SCOC: variants seen among roughly 807,000 people sequenced by gnomAD.
SCOC encodes the protein short coiled-coil protein.
In SCOC, 7 loss-of-function variants were observed where a neutral mutation model predicts 9.9. That is an observed-to-expected ratio of 0.71 (90% CI 0.40 to 1.33). SCOC has a LOEUF of 1.33. SCOC is among the 40% of genes most tolerant of loss of function. SCOC has a pLI of 0.01. For missense variants in SCOC, 66 were observed against 89.7 expected, an observed-to-expected ratio of 0.74 and a Z score of 1.07; for synonymous variants, 19 against 28.2, an observed-to-expected ratio of 0.67 and a Z score of 1.03.
At chr4:140,289,637 G>C (rs1206749094) in intron 1 of SCOC, among the ~76,000 whole-genome samples, 1 of 152,214 alleles carries the variant, frequency 6.6e-6, no homozygotes, top group African/African-American at 2.4e-5. Context: ...CCCAGTGTAA[G>C]TGACTTGTCA....
At chr4:140,358,607 G>A (rs1382910682) in intron 2 of SCOC, among the ~76,000 whole-genome samples, 3 of 152,334 alleles carry the variant, frequency 2.0e-5, no homozygotes, top group Non-Finnish European at 4.4e-5. Context: ...GGTGTTCATT[G>A]TATGCATTGA....
intron 2 of SCOC, among the ~76,000 whole-genome samples, chr4:140,347,235 A>G (rs1405306126): frequency 2.0e-5 from 3 of 152,148 alleles, no homozygotes; most frequent in Non-Finnish European, 1.5e-5. Flanking sequence ...AACACTTAAT[A>G]TATGGAACTG....
At chr4:140,356,220 T>G (rs896470735) in intron 2 of SCOC, among the ~76,000 whole-genome samples, 1 of 152,224 alleles carries the variant, frequency 6.6e-6, no homozygotes, top group Non-Finnish European at 1.5e-5. Flanking sequence ...TCTCAAACTA[T>G]AGAAAATTTT....
intron 1 of SCOC, among the ~76,000 whole-genome samples, chr4:140,276,005 T>A (rs906905720): frequency 6.2e-4 from 94 of 150,822 alleles, no homozygotes; most frequent in African/African-American, 2.1e-3. Flanking sequence ...TGTATTTTTG[T>A]TGTTGTTGTT....
At chr4:140,292,866 T>C (rs1349587210) in intron 1 of SCOC, among the ~76,000 whole-genome samples, 2 of 152,202 alleles carry the variant, frequency 1.3e-5, no homozygotes, top group Admixed American at 6.5e-5. Flanking sequence ...CCTGATTTCA[T>C]AGGAGATCTG....
intron 2 of SCOC, among the ~76,000 whole-genome samples, chr4:140,352,213 G>A (rs1027698418): frequency 6.6e-6 from 1 of 152,140 alleles, no homozygotes; most frequent in Non-Finnish European, 1.5e-5. Context: ...ATCCTTAAGG[G>A]TATTGAAAAA....
intron 1 of SCOC, among the ~76,000 whole-genome samples, chr4:140,269,235 C>T (rs1234198585): frequency 2.0e-5 from 3 of 152,304 alleles, no homozygotes; most frequent in Admixed American, 1.3e-4. Flanking sequence ...TTCATATCTC[C>T]TGCTCTTGAA....
rs1239598926 is a variant in SCOC at position 140,352,734 on chromosome 4, G to A, written c.70+9026G>A. Among the ~76,000 whole-genome samples, 15 of 152,158 alleles carry A rather than the reference G, an allele frequency of 9.9e-5. No homozygotes were observed. The South Asian group carries it at 2.1e-3, about 21-fold the overall frequency. ...TAATTTTCTCAGCAAAGGATAAGTC[G>A]TAATATTTTGACTCTTCCTTTCAAA... On this transcript the variant is annotated intron_variant, in intron 2 of 4. Transcript: ENST00000338517.
intron 1 of SCOC, among the ~76,000 whole-genome samples, chr4:140,288,062 A>G (rs1731349946): frequency 6.6e-6 from 1 of 152,022 alleles, no homozygotes; most frequent in South Asian, 2.1e-4. Flanking sequence ...CATACAACAC[A>G]TATATACATA....
chr4:140,378,140 TTTTGA>T (rs1728421399), intron 1 of SCOC, among the ~76,000 whole-genome samples: 1 of 152,114 alleles, frequency 6.6e-6, no homozygotes, highest in Non-Finnish European at 1.5e-5. Flanking sequence ...GATTAGTCTG[TTTTGA>T]TTTAACCCTG....
chr4:140,285,454 G>A (rs1731239189), intron 1 of SCOC, among the ~76,000 whole-genome samples: 7 of 152,230 alleles, frequency 4.6e-5, no homozygotes, highest in Admixed American at 4.6e-4. Flanking sequence ...TGGCCAAGGG[G>A]CCAGTATCTC....
At chr4:140,336,127 T>C (rs1015899736) in intron 1 of SCOC, among the ~76,000 whole-genome samples, 2 of 152,208 alleles carry the variant, frequency 1.3e-5, no homozygotes, top group Non-Finnish European at 1.5e-5. Flanking sequence ...AATACACTTA[T>C]AAATAATGTA....
At chr4:140,343,153 T>G, upstream of SCOC, among the ~76,000 whole-genome samples, 1 of 152,196 alleles carries the variant, frequency 6.6e-6, no homozygotes, top group East Asian at 1.9e-4. Flanking sequence ...TATCCTCATA[T>G]TACAGATAGA....
At chr4:140,263,720 C>T (rs984004493) in intron 1 of SCOC, among the ~76,000 whole-genome samples, 2 of 152,010 alleles carry the variant, frequency 1.3e-5, no homozygotes, top group South Asian at 2.1e-4. Context: ...CATATCACCC[C>T]GAATGGGTGA....
At chr4:140,305,020 T>G (rs1731926048) in intron 1 of SCOC, among the ~76,000 whole-genome samples, 1 of 152,198 alleles carries the variant, frequency 6.6e-6, no homozygotes, top group African/African-American at 2.4e-5. Context: ...ATAAATAATT[T>G]ATCTCTTCAG....
intron 2 of SCOC, among the ~76,000 whole-genome samples, chr4:140,355,207 AT>A (rs200905375): frequency 6.5e-5 from 1 of 15,484 alleles, no homozygotes; most frequent in Non-Finnish European, 1.0e-4. Context: ...TATACATTAT[AT>A]TTTTATATAT....
At chr4:140,361,433 G>A (rs771138844) in intron 2 of SCOC, among the ~76,000 whole-genome samples, 5 of 152,178 alleles carry the variant, frequency 3.3e-5, no homozygotes, top group Non-Finnish European at 7.4e-5. Context: ...GAAGGCCAGG[G>A]TGGGAGGATC....
At chr4:140,302,126 G>A (rs191845142) in intron 1 of SCOC, among the ~76,000 whole-genome samples, 5 of 151,472 alleles carry the variant, frequency 3.3e-5, no homozygotes, top group African/African-American at 4.9e-5. Context: ...GAGCCACAGC[G>A]CCCAGCCAGG....
At chr4:140,316,037 T>G (rs1732308843) in intron 1 of SCOC, among the ~76,000 whole-genome samples, 1 of 152,140 alleles carries the variant, frequency 6.6e-6, no homozygotes, top group Non-Finnish European at 1.5e-5. Flanking sequence ...CTAGAAAATG[T>G]AACATATAAT....
Sources: gnomAD v4.1 joint callset for allele counts (sites outside exome capture counted in the v4.1 genomes callset) on GRCh38, gnomAD v4.1.1 for gene constraint, MANE v1.5 for transcripts, NCBI Gene and HGNC (gene_info 2026-07-23, HGNC 2026-07-21) for gene names.